MGST1: variants seen among roughly 807,000 people sequenced by gnomAD.
The protein encoded by MGST1 is glutathione S-transferase 12.
Under a neutral mutation model 8.9 loss-of-function variants are expected in MGST1, and 5 were observed. The observed-to-expected ratio is 0.56, with a 90% CI of 0.29 to 1.19. The LOEUF (loss-of-function observed/expected upper bound fraction) is 1.19. MGST1 is among the 50% of genes most tolerant of loss of function. The pLI, the probability that MGST1 is intolerant of heterozygous loss-of-function variation, is 0.08. For synonymous variants in MGST1, 54 were observed against 67.8 expected (o/e 0.80, Z 1.00); for missense variants, 182 against 187.4 (o/e 0.97, Z 0.17).
intron 1 of MGST1, among the ~76,000 whole-genome samples, chr12:16,436,004 C>CACAT (rs1283521782): frequency 2.0e-5 from 3 of 151,408 alleles, no homozygotes; most frequent in Admixed American, 2.0e-4. Context: ...CACACACACA[C>CACAT]ACACACATAA....
chr12:16,478,320 G>A (rs995106879), intron 4 of MGST1, among the ~76,000 whole-genome samples: 1 of 152,102 alleles, frequency 6.6e-6, no homozygotes, highest in African/African-American at 2.4e-5. Flanking sequence ...GAGTCACCAC[G>A]CCCGGCCCTT....
intron 1 of MGST1, among the ~76,000 whole-genome samples, chr12:16,428,091 C>T (rs1940908269): frequency 6.6e-6 from 1 of 151,764 alleles, no homozygotes; most frequent in Non-Finnish European, 1.5e-5. Context: ...TTCCCAATCT[C>T]TTCAAACCAG....
chr12:16,545,333 T>C (rs1473783775), intron 4 of MGST1, among the ~76,000 whole-genome samples: 1 of 152,076 alleles, frequency 6.6e-6, no homozygotes, highest in African/African-American at 2.4e-5. Flanking sequence ...GCAAACATTA[T>C]ATTTTATGCA....
intron 1 of MGST1, chr12:16,399,126 A>G: frequency 4.0e-6 from 3 of 748,802 alleles, no homozygotes; most frequent in Middle Eastern, 4.1e-4. Flanking sequence ...CTCCGAGTAG[A>G]TTGGTCCACA....
At position 16,401,062 on chromosome 12, in the gene MGST1, C is replaced by A. The variant is rs2137062691; in HGVS notation, n.778+17458C>A. ...TTCTGTAAGTAATGCTGCCCGAGAACCTCTTCCCAAAAGGTCCTCTGCCTC... is the reference window on the plus strand; with the variant it reads ...TTCTGTAAGTAATGCTGCCCGAGAAACTCTTCCCAAAAGGTCCTCTGCCTC... On this transcript the variant is annotated intron_variant and non_coding_transcript_variant, in intron 1 of 1. Transcript: ENST00000359720. This position sits in a 1 kb window ranked among gnomAD's most constrained non-coding sequence, Gnocchi z 4.3. The A allele has an allele frequency of 6.3e-7, 1 of 1,593,746 alleles. No homozygotes were observed. The highest frequency in any genetic ancestry group is 2.2e-5 in the East Asian group (1 of 44,724).
At chr12:16,355,749 A>C (rs1361429579) in intron 2 of MGST1, among the ~76,000 whole-genome samples, 1 of 152,160 alleles carries the variant, frequency 6.6e-6, no homozygotes, top group Non-Finnish European at 1.5e-5. Context: ...GTCATTTTAC[A>C]CACTTGTTAG....
rs1404272769 is a variant in MGST1, at chr12:16,401,473, C to T, written n.778+17869C>T. On this transcript the variant is annotated intron_variant and non_coding_transcript_variant, in intron 1 of 1. Coordinates refer to the MGST1 transcript ENST00000359720. The surrounding 1 kb of genome is among the most constrained non-coding windows in gnomAD (Gnocchi z 4.3). The stretch of plus-strand genomic sequence containing the variant: ...TACATCACATATCTTCACACCATGT[C>T]TTAATTCCTTCAGCAGCTCTTCTTG... The T allele has an allele frequency of 2.0e-5, 17 of 836,836 alleles. No individual in the cohort carries two copies. The highest frequency in any genetic ancestry group is 3.1e-5 in the Non-Finnish European group (15 of 484,738). The allele number at this position is 836,836 out of a possible 1,614,324, so 51.8% of individuals were successfully genotyped here.
intron 1 of MGST1, among the ~76,000 whole-genome samples, chr12:16,387,785 T>C (rs923442940): frequency 1.3e-4 from 20 of 152,096 alleles, no homozygotes; most frequent in Admixed American, 6.5e-4. Flanking sequence ...CTTGGCCTCC[T>C]GAAGTGCTGG....
At chr12:16,411,425 A>G (rs1023642255) in intron 1 of MGST1, among the ~76,000 whole-genome samples, 3 of 152,212 alleles carry the variant, frequency 2.0e-5, no homozygotes, top group African/African-American at 7.2e-5. Context: ...AGGAAGAGTA[A>G]AAGTATATAG....
At chr12:16,581,486 C>T (rs1943158128) in intron 4 of MGST1, among the ~76,000 whole-genome samples, 1 of 152,150 alleles carries the variant, frequency 6.6e-6, no homozygotes, top group South Asian at 2.1e-4. Context: ...TACATAAAGG[C>T]AAATATTTCT....
Position 16,547,644 on chromosome 12 carries a change from A to T in MGST1, n.483-41884A>T, listed in dbSNP as rs921026798. Among the ~76,000 whole-genome samples, 1 of 152,164 alleles carries T rather than the reference A, an allele frequency of 6.6e-6. No homozygotes were observed. The highest frequency in any genetic ancestry group is 2.4e-5 in the African/African-American group (1 of 41,442). Reference sequence around the variant, plus strand: ...AGTAGGTGCGCAATAAATGTCAATTAAACTAATGACTATTAAATCTCTGCT... The same window carrying T: ...AGTAGGTGCGCAATAAATGTCAATTTAACTAATGACTATTAAATCTCTGCT... On this transcript the variant is annotated intron_variant and non_coding_transcript_variant, in intron 4 of 4. Transcript: ENST00000538857. The surrounding 1 kb of genome is among the most constrained non-coding windows in gnomAD (Gnocchi z 4.6).
chr12:16,552,667 T>C (rs1426464106), intron 4 of MGST1, among the ~76,000 whole-genome samples: 1 of 152,092 alleles, frequency 6.6e-6, no homozygotes, highest in African/African-American at 2.4e-5. Context: ...TTTACTTTTT[T>C]TCCCCAGGAT....
chr12:16,372,009 C>A (rs1320752031), intron 3 of MGST1, among the ~76,000 whole-genome samples: 2 of 151,872 alleles, frequency 1.3e-5, no homozygotes, highest in Admixed American at 1.3e-4. Flanking sequence ...AGACCTCTAT[C>A]TCTTGCCATA....
At position 16,363,940 on chromosome 12, in the gene MGST1, A is replaced by G. The variant is rs1369454878; in HGVS notation, c.367A>G (p.Thr123Ala). 2 of 1,613,902 alleles carry G rather than the reference A, an allele frequency of 1.2e-6. No individual in the cohort carries two copies. Among genetic ancestry groups the G allele is most frequent in the Non-Finnish European group, 1.7e-6 (2 of 1,179,882 alleles). ...GATCTACCACACCATTGCATATTTG[A>G]CACCCCTTCCCCAGCCAAATAGAGC... ...ARIYHTIAYL[T>A]PLPQPNRALS... Residue 123 changes from threonine (T) to alanine (A), a missense_variant, in exon 4 of 4, where the codon ACA (threonine) becomes GCA (alanine). Transcript: ENST00000396210. The surrounding 1 kb of genome is among the most constrained non-coding windows in gnomAD (Gnocchi z 4.6).
chr12:16,495,953 GTTTATGTA>G (rs1352191061), intron 4 of MGST1, among the ~76,000 whole-genome samples: 2 of 152,006 alleles, frequency 1.3e-5, no homozygotes, highest in African/African-American at 2.4e-5. Flanking sequence ...TTTATAAACT[GTTTATGTA>G]TTTATATGAC....
intron 4 of MGST1, among the ~76,000 whole-genome samples, chr12:16,495,408 T>C (rs886811178): frequency 6.6e-6 from 1 of 151,936 alleles, no homozygotes; most frequent in Non-Finnish European, 1.5e-5. Context: ...CAAACATCAG[T>C]ATTGCACAAT....
At position 16,401,893 on chromosome 12, in the gene MGST1, C is replaced by T; in HGVS notation, n.778+18289C>T. Reference sequence around the variant, plus strand: ...TTCTTCATTAATTTGAGCTCCCCATCCTCCCTTACAGCGACTGTATATGCC... The same window carrying T: ...TTCTTCATTAATTTGAGCTCCCCATTCTCCCTTACAGCGACTGTATATGCC... On this transcript the variant is annotated intron_variant and non_coding_transcript_variant, in intron 1 of 1. Coordinates refer to the MGST1 transcript ENST00000359720. The surrounding 1 kb of genome is among the most constrained non-coding windows in gnomAD (Gnocchi z 4.3). 1 of 1,604,614 alleles carries T rather than the reference C, an allele frequency of 6.2e-7. No individual in the cohort carries two copies. Among genetic ancestry groups the T allele is most frequent in the Non-Finnish European group, 8.5e-7 (1 of 1,171,280 alleles).
intron 1 of MGST1, among the ~76,000 whole-genome samples, chr12:16,408,444 T>A (rs1940714676): frequency 6.6e-6 from 1 of 152,162 alleles, no homozygotes; most frequent in Non-Finnish European, 1.5e-5. Flanking sequence ...AATTATAATG[T>A]GATAGTGGTT....
chr12:16,407,858 C>T (rs12813361), intron 1 of MGST1, among the ~76,000 whole-genome samples: 58,509 of 151,326 alleles, frequency 0.39, 11,362 homozygotes, highest in East Asian at 0.5. Flanking sequence ...GTGGTGAAAC[C>T]CTGTCTCTAC....
Sources: allele counts gnomAD v4.1 joint callset (sites outside exome capture counted in the v4.1 genomes callset), GRCh38; gene constraint gnomAD v4.1.1; non-coding constraint Gnocchi (gnomAD v3.1); transcripts MANE v1.5; gene names NCBI Gene and HGNC (gene_info 2026-07-23, HGNC 2026-07-21).